Variants in ADCY9 observed in about 807,000 individuals in gnomAD.
ADCY9 encodes adenylate cyclase type 9.
In ADCY9, 50 loss-of-function variants were observed where a neutral mutation model predicts 101.5. The observed-to-expected ratio is 0.49, with a 90% CI of 0.39 to 0.62. The LOEUF is 0.62. ADCY9 is among the 20% of genes least tolerant of loss of function. The pLI is 0.00. For synonymous variants in ADCY9, 905 were observed against 769.3 expected (o/e 1.18, Z -2.92); for missense variants, 1,662 against 1,800.4 (o/e 0.92, Z 1.39).
downstream of ADCY9, among the ~76,000 whole-genome samples, chr16:3,959,444 G>A (rs1404822861): frequency 6.6e-6 from 1 of 151,952 alleles, no homozygotes; most frequent in Non-Finnish European, 1.5e-5. Context: ...AATTCACAGT[G>A]GTAAAGCCAC....
chr16:3,992,842 G>A lies in ADCY9; in HGVS notation c.1990-479C>T, dbSNP rs893007340. Among the ~76,000 whole-genome samples the A allele has an allele frequency of 2.8e-4, 42 of 152,262 alleles. No individual in the cohort carries two copies. The highest frequency in any genetic ancestry group is 9.1e-4 in the African/African-American group (38 of 41,562). On this transcript the variant is annotated intron_variant, in intron 4 of 10. Transcript: ENST00000294016. This position sits in a 1 kb window ranked among gnomAD's most constrained non-coding sequence, Gnocchi z 4.2. ...TCCCCCGTGGCTGTGGGAAGGCATGGGATGACCTGCACCTGCAATCCTTTG... is the reference window on the plus strand; with the variant it reads ...TCCCCCGTGGCTGTGGGAAGGCATGAGATGACCTGCACCTGCAATCCTTTG...
intron 5 of ADCY9, among the ~76,000 whole-genome samples, chr16:3,954,984 T>C (rs1010480349): frequency 6.6e-6 from 1 of 152,128 alleles, no homozygotes; most frequent in African/African-American, 2.4e-5. Flanking sequence ...CTGTCATCAT[T>C]CTGCCAGTAT....
chr16:4,114,999 G>A lies in ADCY9; in HGVS notation c.444C>T (p.Pro148=). 2 of 1,614,084 alleles carry A rather than the reference G, an allele frequency of 1.2e-6. No homozygotes were observed. Among genetic ancestry groups the A allele is most frequent in the South Asian group, 1.1e-5 (1 of 91,092 alleles). The change falls in exon 2 of 11, where the codon CCC becomes CCT. Residue 148 remains proline, a synonymous_variant. Coordinates refer to ENST00000294016, the MANE Select transcript of ADCY9 (RefSeq NM_001116.4). The surrounding 1 kb of genome is among the most constrained non-coding windows in gnomAD (Gnocchi z 4.3). ...CACACACCAGGAGGAAGCACAGCGC[G>A]GGGGCGACCATGACGATCAGTCTGG... The part of the protein sequence containing the change: ...MRSRLIVMVA[P]ALCFLLVCVG...
In ADCY9 at chr16:3,965,857, G is replaced by A; in HGVS notation, c.3980C>T (p.Ala1327Val). The A allele has an allele frequency of 6.2e-7, 1 of 1,614,174 alleles. No homozygotes were observed. Among genetic ancestry groups the A allele is most frequent in the Non-Finnish European group, 8.5e-7 (1 of 1,180,044 alleles). ...KAEERGRFGK[A>V]IEKDDCDETG... ...TTCGTCACAGTCGTCTTTCTCTATG[G>A]CTTTGCCAAATCGACCCCTTTCTTC... Residue 1327 changes from alanine (A) to valine (V), a missense_variant, in exon 11 of 11, where the codon GCC becomes GTC. This residue lies in a region of ADCY9 where 168 missense variants were observed against 155.3 expected (regional missense o/e 1.08). Coordinates refer to ENST00000294016, the MANE Select transcript of ADCY9 (RefSeq NM_001116.4).
chr16:4,056,992 C>G (rs908125109), intron 2 of ADCY9, among the ~76,000 whole-genome samples: 6 of 145,936 alleles, frequency 4.1e-5, no homozygotes, highest in Non-Finnish European at 7.4e-5. Context: ...TAGCAGAGGT[C>G]AGACCAACAA....
At chr16:4,086,121 G>T (rs907902653) in intron 2 of ADCY9, among the ~76,000 whole-genome samples, 1 of 151,938 alleles carries the variant, frequency 6.6e-6, no homozygotes, top group African/African-American at 2.4e-5. Context: ...TTGGGGGTGG[G>T]GAAGGTGGCG....
chr16:3,983,547 C>T (rs2056164577), intron 6 of ADCY9, 107 bp from the exon 7 acceptor site: 2 of 956,924 alleles, frequency 2.1e-6, no homozygotes, highest in Non-Finnish European at 3.2e-6. Context: ...CTGCTCTGGG[C>T]CAGGCACAGG....
chr16:3,987,028 C>A (rs1471829702), intron 6 of ADCY9, among the ~76,000 whole-genome samples: 1 of 152,278 alleles, frequency 6.6e-6, no homozygotes, highest in African/African-American at 2.4e-5. Context: ...GCGCCTGCAA[C>A]TCCCTGGACG....
chr16:3,957,384 G>A lies in ADCY9; in HGVS notation c.568-3868C>T, dbSNP rs889987559. On this transcript the variant is annotated intron_variant, in intron 5 of 5. Coordinates refer to the ADCY9 transcript ENST00000576936. Reference sequence around the variant, plus strand: ...CAGGTAGAGGCATATTTGCGTATGTGAAAACAGAATTTACTGGCGGAAAAG... The same window carrying A: ...CAGGTAGAGGCATATTTGCGTATGTAAAAACAGAATTTACTGGCGGAAAAG... Among the ~76,000 whole-genome samples, 25 of 152,272 alleles carry A rather than the reference G, an allele frequency of 1.6e-4. 1 individual carries two copies. Among genetic ancestry groups the A allele is most frequent in the Admixed American group, 1.6e-3 (25 of 15,288 alleles).
At position 3,965,677 on chromosome 16, in the gene ADCY9, G is replaced by A; in HGVS notation, c.*98C>T. On this transcript the variant is annotated 3_prime_UTR_variant, in exon 11 of 11. Transcript: ENST00000294016. The stretch of plus-strand genomic sequence containing the variant: ...AAATGACCACATAACACCACGTCCG[G>A]GGAGGGCAACTGTGGCGCTTGGAAA... 1 of 1,128,592 alleles carries A rather than the reference G, an allele frequency of 8.9e-7. No individual in the cohort carries two copies. 69.9% of individuals were successfully genotyped at this position (1,128,592 alleles called of 1,614,324 possible).
downstream of ADCY9, among the ~76,000 whole-genome samples, chr16:3,959,430 G>C (rs187898100): frequency 6.6e-6 from 1 of 151,592 alleles, no homozygotes; most frequent in Admixed American, 6.6e-5. Context: ...CAGTTTATAA[G>C]TGGAATTCAC....
chr16:3,983,097 CG>C, intron 7 of ADCY9, 134 bp downstream of exon 7: 1 of 849,124 alleles, frequency 1.2e-6, no homozygotes, highest in Non-Finnish European at 1.8e-6. Flanking sequence ...GGGGAGGACA[CG>C]GGGACCCATC....
Position 3,965,659 on chromosome 16 carries a change from C to T in ADCY9, c.*116G>A. 2 of 890,664 alleles carry T rather than the reference C, an allele frequency of 2.2e-6. No individual in the cohort carries two copies. Among genetic ancestry groups the T allele is most frequent in the Non-Finnish European group, 3.4e-6 (2 of 587,824 alleles). The allele number at this position is 890,664 out of a possible 1,614,324, so 55.2% of individuals were successfully genotyped here. On this transcript the variant is annotated 3_prime_UTR_variant, in exon 11 of 11. Coordinates refer to ENST00000294016, the MANE Select transcript of ADCY9 (RefSeq NM_001116.4). The stretch of plus-strand genomic sequence containing the variant: ...ACACAGAAGTTAGGGCTGAAATGAC[C>T]ACATAACACCACGTCCGGGGAGGGC...
At chr16:4,047,115 G>C (rs2056670473) in intron 2 of ADCY9, among the ~76,000 whole-genome samples, 1 of 151,880 alleles carries the variant, frequency 6.6e-6, no homozygotes, top group Non-Finnish European at 1.5e-5. Flanking sequence ...TAATTTCTTC[G>C]TTTTTTAAAA....
intron 2 of ADCY9, among the ~76,000 whole-genome samples, chr16:4,019,669 C>G (rs2056461686): frequency 6.6e-6 from 1 of 152,126 alleles, no homozygotes; most frequent in Non-Finnish European, 1.5e-5. Context: ...CTGCACAGAC[C>G]CTGGAAAAAC....
Position 4,007,415 on chromosome 16 carries a change from T to A in ADCY9, c.1837A>T (p.Asn613Tyr). 1 of 1,607,656 alleles carries A rather than the reference T, an allele frequency of 6.2e-7. No homozygotes were observed. Among genetic ancestry groups the A allele is most frequent in the Non-Finnish European group, 8.5e-7 (1 of 1,178,260 alleles). ...ACAGTCTGCGCCAAGTCACTGACATTCCCTGATGACGCTGTCCCCTGTCCC... is the reference window on the plus strand; with the variant it reads ...ACAGTCTGCGCCAAGTCACTGACATACCCTGATGACGCTGTCCCCTGTCCC... ...PRGQGTASSG[N>Y]VSDLAQTVKT... The change falls in exon 3 of 11, where the codon AAT becomes TAT. Residue 613 changes from asparagine (N) to tyrosine (Y), a missense_variant. By Grantham distance (143) the Asn-to-Tyr change is moderately radical. Coordinates refer to ENST00000294016, the MANE Select transcript of ADCY9 (RefSeq NM_001116.4).
intron 6 of ADCY9, among the ~76,000 whole-genome samples, chr16:3,986,788 G>A (rs2056196790): frequency 1.3e-5 from 2 of 152,158 alleles, no homozygotes; most frequent in African/African-American, 4.8e-5. Flanking sequence ...GGAAGAGACA[G>A]GGTCTCACTA....
intron 2 of ADCY9, among the ~76,000 whole-genome samples, chr16:4,033,484 A>G (rs1462992982): frequency 2.1e-5 from 3 of 145,636 alleles, no homozygotes; most frequent in Non-Finnish European, 4.5e-5. Context: ...GCCAGGCCAG[A>G]GTGCAGTGGT....
intron 10 of ADCY9, among the ~76,000 whole-genome samples, chr16:3,972,587 T>G (rs2056061973): frequency 6.6e-6 from 1 of 152,136 alleles, no homozygotes; most frequent in South Asian, 2.1e-4. Flanking sequence ...AAGTCATAAA[T>G]GGAAGTTAGA....
Sources: gnomAD v4.1 joint callset for allele counts (sites outside exome capture counted in the v4.1 genomes callset) on GRCh38, gnomAD v4.1.1 for gene constraint, gnomAD v4.1.1 regional missense constraint, Gnocchi (gnomAD v3.1) non-coding constraint, MANE v1.5 for transcripts, NCBI Gene and HGNC (gene_info 2026-07-23, HGNC 2026-07-21) for gene names.